Variants in PRP4K observed in about 807,000 individuals in gnomAD.
PRP4K encodes the protein pre-mRNA processing factor kinase PRP4K.
the PRP4K span, chr6:4,040,885 C>T: frequency 6.2e-7 from 1 of 1,613,884 alleles, no homozygotes; most frequent in Non-Finnish European, 8.5e-7. Flanking sequence ...GGAAGTCTTT[C>T]TGAAGGAATG....
chr6:4,059,447 T>C, the PRP4K span, among the ~76,000 whole-genome samples: 1 of 152,214 alleles, frequency 6.6e-6, no homozygotes, highest in Non-Finnish European at 1.5e-5. Flanking sequence ...AACTCCCAGA[T>C]TGAAGTAATG....
chr6:4,041,910 G>A, the PRP4K span, among the ~76,000 whole-genome samples: 1 of 152,194 alleles, frequency 6.6e-6, no homozygotes, highest in Non-Finnish European at 1.5e-5. Context: ...CGAACATTCA[G>A]CAGGTAAGAT....
chr6:4,042,443 T>C, the PRP4K span: 56 of 1,420,008 alleles, frequency 3.9e-5, no homozygotes, highest in Non-Finnish European at 5.3e-5. Context: ...GTATAAGGGG[T>C]ATGGTTTTAG....
At chr6:4,060,325 AT>A in the PRP4K span, 2 of 1,249,136 alleles carry the variant, frequency 1.6e-6, no homozygotes, top group Non-Finnish European at 2.2e-6. The surrounding 1 kb of genome is among the most constrained non-coding windows in gnomAD (Gnocchi z 4.7). Context: ...TGTTTTTAAT[AT>A]TTTTGATAGA....
chr6:4,038,671 A>T, the PRP4K span, among the ~76,000 whole-genome samples: 1 of 151,996 alleles, frequency 6.6e-6, no homozygotes, highest in African/African-American at 2.4e-5. Flanking sequence ...TCCTGTATGT[A>T]TTCATTGCTG....
At chr6:4,023,663 C>T in the PRP4K span, among the ~76,000 whole-genome samples, 2 of 152,194 alleles carry the variant, frequency 1.3e-5, no homozygotes, top group East Asian at 3.8e-4. Flanking sequence ...TGTTTTAAGA[C>T]TAGTTGGTCT....
the PRP4K span, chr6:4,060,514 C>A: frequency 2.5e-6 from 4 of 1,613,868 alleles, no homozygotes; most frequent in Non-Finnish European, 3.4e-6. This position sits in a 1 kb window ranked among gnomAD's most constrained non-coding sequence, Gnocchi z 4.7. Context: ...AGAAAGTACA[C>A]CAGCTAAAGG....
the PRP4K span, chr6:4,064,552 T>A: frequency 6.6e-6 from 1 of 152,368 alleles, no homozygotes; most frequent in African/African-American, 2.4e-5. Context: ...CATTTAGTTA[T>A]AATGACATCT....
the PRP4K span, chr6:4,021,389 C>T: frequency 3.2e-6 from 5 of 1,561,862 alleles, no homozygotes; most frequent in South Asian, 4.7e-5. Context: ...CGTCCGGGAG[C>T]CGCCGCCACC....
chr6:4,025,093 A>G, the PRP4K span, among the ~76,000 whole-genome samples: 1 of 152,336 alleles, frequency 6.6e-6, no homozygotes, highest in Non-Finnish European at 1.5e-5. Context: ...CCAATATTCA[A>G]TAGGTTCTCA....
At chr6:4,042,479 T>C in the PRP4K span, 1 of 1,598,474 alleles carries the variant, frequency 6.3e-7, no homozygotes, top group Non-Finnish European at 8.6e-7. Flanking sequence ...TTTGAATTTT[T>C]CTTTAAGCCT....
the PRP4K span, among the ~76,000 whole-genome samples, chr6:4,037,976 A>G: frequency 1.3e-5 from 2 of 151,970 alleles, no homozygotes; most frequent in African/African-American, 2.4e-5. Flanking sequence ...GCAAAGGCCT[A>G]TTTAATTTGC....
chr6:4,021,968 A>C, the PRP4K span, among the ~76,000 whole-genome samples: 237 of 152,238 alleles, frequency 1.6e-3, 1 homozygote, highest in African/African-American at 5.3e-3. Flanking sequence ...TGCTGGGGTC[A>C]CACTCTCTGG....
the PRP4K span, among the ~76,000 whole-genome samples, chr6:4,058,530 A>G: frequency 6.6e-6 from 1 of 152,270 alleles, no homozygotes; most frequent in East Asian, 1.9e-4. Context: ...ATTTCATGTT[A>G]TTAAGTAGTT....
At chr6:4,044,860 A>ATT in the PRP4K span, among the ~76,000 whole-genome samples, 465 of 119,282 alleles carry the variant, frequency 3.9e-3, 4 homozygotes, top group African/African-American at 5.7e-3. Flanking sequence ...TATTATTATT[A>ATT]TTATTTTTTT....
chr6:4,034,650 G>A, the PRP4K span, among the ~76,000 whole-genome samples: 3 of 151,786 alleles, frequency 2.0e-5, no homozygotes, highest in Non-Finnish European at 4.4e-5. Flanking sequence ...TGTTTTAATC[G>A]AAATTTCTTA....
At chr6:4,051,933 C>A in the PRP4K span, 978,834 of 1,421,970 alleles carry the variant, frequency 0.69, 337,421 homozygotes, top group East Asian at 0.79. Context: ...TTCAATTTTA[C>A]CCCAATTTTT....
chr6:4,047,311 A>G, the PRP4K span: 1 of 1,250,946 alleles, frequency 8.0e-7, no homozygotes, highest in Non-Finnish European at 1.1e-6. Context: ...GTGCGTATAT[A>G]CATATAGAGA....
At chr6:4,043,331 G>A in the PRP4K span, among the ~76,000 whole-genome samples, 2 of 152,164 alleles carry the variant, frequency 1.3e-5, no homozygotes, top group African/African-American at 2.4e-5. Flanking sequence ...TGAAGATGTG[G>A]ATGAATCTTT....
Sources: allele counts gnomAD v4.1 joint callset (sites outside exome capture counted in the v4.1 genomes callset), GRCh38; gene constraint gnomAD v4.1.1; non-coding constraint Gnocchi (gnomAD v3.1); transcripts MANE v1.5; gene names NCBI Gene and HGNC (gene_info 2026-07-23, HGNC 2026-07-21).